KATNIP: variants seen among roughly 807,000 people sequenced by gnomAD.
KATNIP encodes katanin-interacting protein.
In KATNIP, 126 loss-of-function variants were observed where a neutral mutation model predicts 174.0. That is an observed-to-expected ratio of 0.72 (90% CI 0.63 to 0.84). The LOEUF (loss-of-function observed/expected upper bound fraction) is 0.84, where lower values mean the gene tolerates loss of function less well. Among genes scored for constraint, KATNIP ranks in the 40% least tolerant of loss-of-function variants. The pLI, the probability that KATNIP is intolerant of heterozygous loss-of-function variation, is 0.00. For synonymous variants in KATNIP, 810 were observed against 835.7 expected (o/e 0.97, Z 0.53); for missense variants, 1,958 against 2,109.7 (o/e 0.93, Z 1.41).
Position 27,740,132 on chromosome 16 carries a change from C to T in KATNIP, c.1835C>T (p.Pro612Leu). 1 of 1,614,160 alleles carries T rather than the reference C, an allele frequency of 6.2e-7. No individual in the cohort carries two copies. Among genetic ancestry groups the T allele is most frequent in the Non-Finnish European group, 8.5e-7 (1 of 1,180,032 alleles). The change falls in exon 15 of 28, where the codon CCA becomes CTA. Residue 612 changes from proline (P) to leucine (L), a missense_variant. Around this residue, in one of 3 missense-constraint regions of KATNIP, gnomAD observed 1,557 missense variants for 1,617.8 expected, o/e 0.96. Coordinates refer to ENST00000261588, the MANE Select transcript of KATNIP (RefSeq NM_015202.5). ...GKLDKGDREA[P>L]ADHSILVDQK... ...TTAGACAAAGGAGATAGGGAGGCCC[C>T]AGCTGACCACAGCATCCTGGTTGAC...
At chr16:27,693,425 G>C (rs1597190392) in intron 8 of KATNIP, among the ~76,000 whole-genome samples, 2 of 152,110 alleles carry the variant, frequency 1.3e-5, no homozygotes, top group South Asian at 4.2e-4. Context: ...GTCTCGCTCT[G>C]TGGCCCAGGC....
At chr16:27,670,968 G>C (rs1338198918) in intron 6 of KATNIP, among the ~76,000 whole-genome samples, 2 of 152,148 alleles carry the variant, frequency 1.3e-5, no homozygotes, top group Non-Finnish European at 2.9e-5. Flanking sequence ...ACGGCAGGTG[G>C]ATCACCTGAG....
intron 2 of KATNIP, among the ~76,000 whole-genome samples, chr16:27,613,949 C>A (rs2075969787): frequency 6.6e-6 from 1 of 152,126 alleles, no homozygotes; most frequent in South Asian, 2.1e-4. Flanking sequence ...CAGGGTCTCA[C>A]CCTGTTGCCC....
At chr16:27,706,002 AG>A (rs1341632837) in intron 12 of KATNIP, among the ~76,000 whole-genome samples, 11 of 152,320 alleles carry the variant, frequency 7.2e-5, no homozygotes, top group African/African-American at 2.6e-4. Flanking sequence ...TACGGGAGAC[AG>A]AAAATCCAGG....
chr16:27,771,563 A>G (rs779571417), intron 21 of KATNIP, 25 bp from the exon 22 acceptor site: 2 of 1,608,028 alleles, frequency 1.2e-6, no homozygotes, highest in Non-Finnish European at 1.7e-6. Flanking sequence ...GAGCTTCTTC[A>G]TGGTGCTGTT....
chr16:27,618,977 G>A (rs566802804), intron 3 of KATNIP, among the ~76,000 whole-genome samples: 1 of 152,248 alleles, frequency 6.6e-6, no homozygotes, highest in East Asian at 1.9e-4. Context: ...TGGAATGCTT[G>A]TTCTTGAAAA....
At chr16:27,700,131 C>T (rs1258673551) in intron 10 of KATNIP, among the ~76,000 whole-genome samples, 3 of 151,820 alleles carry the variant, frequency 2.0e-5, no homozygotes, top group African/African-American at 4.8e-5. Flanking sequence ...AGGCTGGTCT[C>T]GAACTCCTGA....
intron 2 of KATNIP, among the ~76,000 whole-genome samples, chr16:27,591,369 C>T (rs977458456): frequency 1.3e-5 from 2 of 151,926 alleles, no homozygotes; most frequent in African/African-American, 4.8e-5. Context: ...ATTTTTAGTG[C>T]AGATGTGGTT....
chr16:27,677,877 G>T lies in KATNIP; in HGVS notation c.689G>T (p.Arg230Leu). The T allele has an allele frequency of 6.2e-7, 1 of 1,614,142 alleles. No homozygotes were observed. Among genetic ancestry groups the T allele is most frequent in the Non-Finnish European group, 8.5e-7 (1 of 1,180,030 alleles). The change falls in exon 7 of 28, where the codon CGC (arginine) becomes CTC (leucine). Residue 230 changes from arginine to leucine, a missense_variant. This residue lies in a region of KATNIP where 1,557 missense variants were observed against 1,617.8 expected (regional missense o/e 0.96). Transcript: ENST00000261588. ...PALVGHPRHD[R>L]PPSSGDWTQK... ...CTGGTGGGCCATCCCAGACATGACCGCCCTCCTTCCAGTGGCGACTGGACT... is the reference window on the plus strand; with the variant it reads ...CTGGTGGGCCATCCCAGACATGACCTCCCTCCTTCCAGTGGCGACTGGACT...
At chr16:27,592,619 AAC>A (rs140124096) in intron 2 of KATNIP, among the ~76,000 whole-genome samples, 4 of 151,056 alleles carry the variant, frequency 2.6e-5, no homozygotes, top group Admixed American at 6.6e-5. Context: ...CCCTGTCTCA[AAC>A]ACACACACAC....
At chr16:27,574,558 C>CTTTTTTTTTTT (rs10708223) in intron 2 of KATNIP, among the ~76,000 whole-genome samples, 11 of 53,510 alleles carry the variant, frequency 2.1e-4, no homozygotes, top group African/African-American at 4.6e-4. Flanking sequence ...ACTTTCTATT[C>CTTTTTTTTTTT]TTTTTTTTTT....
chr16:27,567,154 G>A (rs967785866), intron 1 of KATNIP, among the ~76,000 whole-genome samples: 2 of 152,236 alleles, frequency 1.3e-5, no homozygotes, highest in Non-Finnish European at 1.5e-5. Flanking sequence ...TGAGGTTCAC[G>A]GAGGCTCCTC....
chr16:27,571,274 C>G (rs1157691362), intron 1 of KATNIP, among the ~76,000 whole-genome samples: 1 of 152,170 alleles, frequency 6.6e-6, no homozygotes, highest in East Asian at 1.9e-4. Context: ...CTCAGGTGAT[C>G]CACCCGCTTC....
At position 27,698,886 on chromosome 16, in the gene KATNIP, C is replaced by T. The variant is rs557026079; in HGVS notation, c.1113+386C>T. Among the ~76,000 whole-genome samples, 74 of 152,324 alleles carry T rather than the reference C, an allele frequency of 4.9e-4. 1 individual carries two copies. The highest frequency in any genetic ancestry group is 1.7e-3 in the African/African-American group (71 of 41,580). The stretch of plus-strand genomic sequence containing the variant: ...CCCGAGCGTGGGCCCTTCAGGCCTC[C>T]GCAGTCGTCACTGCTCCCTATTGTC... On this transcript the variant is annotated intron_variant, in intron 9 of 27. Coordinates refer to ENST00000261588, the MANE Select transcript of KATNIP (RefSeq NM_015202.5).
chr16:27,687,881 A>G (rs1347952997), intron 8 of KATNIP, among the ~76,000 whole-genome samples: 2 of 152,204 alleles, frequency 1.3e-5, no homozygotes, highest in East Asian at 3.8e-4. Context: ...ATTCTGCCAA[A>G]GTCCAGAGAC....
At chr16:27,763,331 G>C (rs965321193) in intron 19 of KATNIP, among the ~76,000 whole-genome samples, 3 of 150,166 alleles carry the variant, frequency 2.0e-5, no homozygotes, top group Admixed American at 6.6e-5. Flanking sequence ...AAGTAGCCAG[G>C]TACTGTGGCA....
intron 1 of KATNIP, 67 bp downstream of exon 1, chr16:27,550,244 G>T (rs1397494312): frequency 1.9e-6 from 3 of 1,566,204 alleles, no homozygotes; most frequent in Non-Finnish European, 2.6e-6. Context: ...ACCGCGCTTT[G>T]GGCAGAATCC....
rs372072663 is a variant in KATNIP at position 27,615,547 on chromosome 16, G to A, written c.64-2878G>A. On this transcript the variant is annotated intron_variant, in intron 2 of 27. Coordinates refer to ENST00000261588, the MANE Select transcript of KATNIP (RefSeq NM_015202.5). ...TTTTTTGTATTTTTAGTAGAGACGGGGTTTCACCATGTTAGCCGGGATGGT... is the reference window on the plus strand; with the variant it reads ...TTTTTTGTATTTTTAGTAGAGACGGAGTTTCACCATGTTAGCCGGGATGGT... Among the ~76,000 whole-genome samples, 23 of 152,056 alleles carry A rather than the reference G, an allele frequency of 1.5e-4. 1 individual carries two copies. The East Asian group carries it at 3.5e-3, about 23-fold the overall frequency.
At chr16:27,749,068 C>A (rs994351182) in intron 15 of KATNIP, among the ~76,000 whole-genome samples, 2 of 152,334 alleles carry the variant, frequency 1.3e-5, no homozygotes, top group African/African-American at 4.8e-5. Context: ...AGCACACACC[C>A]TCTTGTGGCT....
Sources: allele counts gnomAD v4.1 joint callset (sites outside exome capture counted in the v4.1 genomes callset), GRCh38; gene constraint gnomAD v4.1.1; regional missense constraint gnomAD v4.1.1; transcripts MANE v1.5; gene names NCBI Gene and HGNC (gene_info 2026-07-23, HGNC 2026-07-21).